RBMS3: variants seen among roughly 807,000 people sequenced by gnomAD.
RBMS3 encodes RNA-binding motif, single-stranded-interacting protein 3.
RBMS3 carries 27 observed loss-of-function variants against 66.8 expected under a neutral mutation model. The observed-to-expected ratio is 0.40, with a 90% confidence interval of 0.30 to 0.56. The LOEUF (loss-of-function observed/expected upper bound fraction) is 0.56, where lower values mean the gene tolerates loss of function less well. Among genes scored for constraint, RBMS3 ranks in the 20% least tolerant of loss-of-function variants. The pLI is 0.40. For synonymous variants in RBMS3, 188 were observed against 183.0 expected, an observed-to-expected ratio of 1.03 and a Z score of -0.22; for missense variants, 513 against 549.5, an observed-to-expected ratio of 0.93 and a Z score of 0.66.
intron 4 of RBMS3, among the ~76,000 whole-genome samples, chr3:29,614,031 G>A (rs536694799): frequency 1.2e-4 from 19 of 152,106 alleles, no homozygotes; most frequent in East Asian, 5.8e-4. Flanking sequence ...GCTCATGTTC[G>A]TTGCAGCATT....
intron 6 of RBMS3, among the ~76,000 whole-genome samples, chr3:29,844,758 A>C (rs2058739538): frequency 6.6e-6 from 1 of 152,212 alleles, no homozygotes; most frequent in Admixed American, 6.5e-5. Flanking sequence ...AAATGCAAGT[A>C]ATACTGTACC....
At chr3:29,640,462 T>C (rs984323726) in intron 4 of RBMS3, among the ~76,000 whole-genome samples, 1 of 150,390 alleles carries the variant, frequency 6.6e-6, no homozygotes, top group African/African-American at 2.5e-5. Context: ...TAAGCGAAGT[T>C]TGATAATTTA....
chr3:29,369,487 AACACACACACACACACACACAC>A (rs59274434), intron 1 of RBMS3, among the ~76,000 whole-genome samples: 3 of 135,270 alleles, frequency 2.2e-5, no homozygotes, highest in African/African-American at 5.6e-5. Flanking sequence ...ATCACTCCTT[AACACACACACACACACACACAC>A]ACACACACAC....
At chr3:29,420,638 G>T (rs544825189) in intron 1 of RBMS3, among the ~76,000 whole-genome samples, 18 of 147,652 alleles carry the variant, frequency 1.2e-4, no homozygotes, top group Admixed American at 4.1e-4. Context: ...TTTTTTTCTC[G>T]CAGAGTTTCA....
chr3:29,706,146 G>A (rs571772313), intron 4 of RBMS3, among the ~76,000 whole-genome samples: 1 of 152,282 alleles, frequency 6.6e-6, no homozygotes, highest in East Asian at 1.9e-4. Context: ...TTAGGTGTAA[G>A]AACACTGCCA....
chr3:29,611,367 G>C (rs972607814), intron 4 of RBMS3, among the ~76,000 whole-genome samples: 4 of 151,940 alleles, frequency 2.6e-5, no homozygotes, highest in Non-Finnish European at 2.9e-5. Context: ...TACCAAAAAG[G>C]AGTCATTTAG....
chr3:29,923,212 A>G (rs1356762999), intron 10 of RBMS3, among the ~76,000 whole-genome samples: 1 of 152,190 alleles, frequency 6.6e-6, no homozygotes, highest in Non-Finnish European at 1.5e-5. Flanking sequence ...TTGCTGTTGG[A>G]TGTGGTCTTC....
At chr3:29,609,156 A>G (rs2048408262) in intron 4 of RBMS3, among the ~76,000 whole-genome samples, 1 of 152,084 alleles carries the variant, frequency 6.6e-6, no homozygotes, top group African/African-American at 2.4e-5. Context: ...CATCTATCAA[A>G]TGAATATAAA....
chr3:29,364,780 C>A (rs950060658), intron 1 of RBMS3, among the ~76,000 whole-genome samples: 2 of 152,110 alleles, frequency 1.3e-5, no homozygotes, highest in African/African-American at 2.4e-5. Context: ...TGTACACAGG[C>A]TTTTTAAGCT....
At chr3:29,719,076 A>C (rs1484926336) in intron 4 of RBMS3, among the ~76,000 whole-genome samples, 4 of 152,118 alleles carry the variant, frequency 2.6e-5, no homozygotes, top group Non-Finnish European at 5.9e-5. Context: ...CACATGAATC[A>C]CCTATGGATC....
chr3:29,709,175 C>T (rs1234226359), intron 4 of RBMS3, among the ~76,000 whole-genome samples: 1 of 152,196 alleles, frequency 6.6e-6, no homozygotes, highest in Non-Finnish European at 1.5e-5. Context: ...TAAACTCTGT[C>T]TCAGGGTTGG....
At chr3:29,371,687 G>C (rs2038211635) in intron 1 of RBMS3, among the ~76,000 whole-genome samples, 1 of 152,142 alleles carries the variant, frequency 6.6e-6, no homozygotes, top group Non-Finnish European at 1.5e-5. Flanking sequence ...TGTAACATAA[G>C]TAATTTTGTT....
intron 14 of RBMS3, among the ~76,000 whole-genome samples, chr3:29,994,200 C>A (rs1056386622): frequency 1.2e-4 from 18 of 152,200 alleles, no homozygotes; most frequent in African/African-American, 4.1e-4. Flanking sequence ...TCACTCCCAC[C>A]CAAATACTGC....
chr3:29,453,812 A>T (rs992851666), intron 2 of RBMS3, among the ~76,000 whole-genome samples: 1 of 152,186 alleles, frequency 6.6e-6, no homozygotes, highest in African/African-American at 2.4e-5. Flanking sequence ...GCCAGGGGTG[A>T]TGAAGTGACA....
At chr3:29,864,044 C>G (rs1037918980) in intron 6 of RBMS3, among the ~76,000 whole-genome samples, 4 of 152,112 alleles carry the variant, frequency 2.6e-5, no homozygotes, top group African/African-American at 9.7e-5. Flanking sequence ...TAGAGATGGT[C>G]TCTTTTAATG....
chr3:29,763,849 G>C (rs543568860), intron 6 of RBMS3, among the ~76,000 whole-genome samples: 5 of 152,088 alleles, frequency 3.3e-5, no homozygotes, highest in African/African-American at 9.6e-5. Flanking sequence ...ATCTGAATAA[G>C]GCAGTTTGGT....
chr3:29,607,826 T>C (rs1453231496), intron 4 of RBMS3, among the ~76,000 whole-genome samples: 1 of 152,002 alleles, frequency 6.6e-6, no homozygotes, highest in Non-Finnish European at 1.5e-5. Flanking sequence ...TTCACTATCT[T>C]GATCATAAAT....
chr3:29,697,606 A>C (rs541731071), intron 4 of RBMS3, among the ~76,000 whole-genome samples: 19 of 152,292 alleles, frequency 1.2e-4, no homozygotes, highest in African/African-American at 4.3e-4. Flanking sequence ...CAGATGTTGA[A>C]TTTCTTTGGA....
intron 4 of RBMS3, among the ~76,000 whole-genome samples, chr3:29,663,635 A>G (rs1157923683): frequency 6.6e-6 from 1 of 152,240 alleles, no homozygotes; most frequent in East Asian, 1.9e-4. Flanking sequence ...TAATTATACC[A>G]GTGGCCTCGA....
Sources: gnomAD v4.1 joint callset for allele counts (sites outside exome capture counted in the v4.1 genomes callset) on GRCh38, gnomAD v4.1.1 for gene constraint, MANE v1.5 for transcripts, NCBI Gene and HGNC (gene_info 2026-07-23, HGNC 2026-07-21) for gene names.